The following DDX10 variants were observed in gnomAD, a reference collection of about 807,000 sequenced individuals.
DDX10 encodes probable ATP-dependent RNA helicase DDX10.
A neutral mutation model predicts 104.3 loss-of-function variants in DDX10; 74 were observed. That is an observed-to-expected ratio of 0.71 (90% confidence interval 0.59 to 0.86). The LOEUF is 0.86. Ranked by LOEUF, DDX10 falls within the 40% of genes least tolerant of loss-of-function variation. The pLI is 0.00. For missense variants in DDX10, 952 were observed against 1,040.0 expected (o/e 0.92, Z 1.16); for synonymous variants, 351 against 353.4 (o/e 0.99, Z 0.08).
chr11:108,808,548 C>T (rs144724700), intron 13 of DDX10, among the ~76,000 whole-genome samples: 8 of 152,122 alleles, frequency 5.3e-5, no homozygotes, highest in African/African-American at 9.6e-5. Context: ...AATTTCCTGT[C>T]GTGGGAGTAT....
chr11:108,806,002 C>A (rs1208608038), intron 13 of DDX10, among the ~76,000 whole-genome samples: 2 of 151,962 alleles, frequency 1.3e-5, no homozygotes, highest in Non-Finnish European at 2.9e-5. Context: ...GCTCTTGTTG[C>A]CTAGGCTAGA....
chr11:108,803,487 C>T (rs1169281992), intron 13 of DDX10, among the ~76,000 whole-genome samples: 6 of 150,072 alleles, frequency 4.0e-5, no homozygotes, highest in African/African-American at 1.2e-4. Flanking sequence ...CCAGCTACTC[C>T]GGAGGCTCAG....
intron 11 of DDX10, among the ~76,000 whole-genome samples, chr11:108,717,059 C>A (rs2094292468): frequency 6.6e-6 from 1 of 152,050 alleles, no homozygotes; most frequent in African/African-American, 2.4e-5. Context: ...TTTCACCTGT[C>A]CTTTATTGCC....
chr11:108,826,412 G>T (rs538669912), intron 13 of DDX10, among the ~76,000 whole-genome samples: 89 of 152,066 alleles, frequency 5.9e-4, no homozygotes, highest in African/African-American at 2.1e-3. Context: ...ACAAAAGGCC[G>T]GATATCACAG....
At chr11:108,808,302 T>A (rs911078660) in intron 13 of DDX10, among the ~76,000 whole-genome samples, 3 of 151,912 alleles carry the variant, frequency 2.0e-5, no homozygotes, top group African/African-American at 4.8e-5. Flanking sequence ...CCTGTATAAT[T>A]TGACCTCTAA....
At chr11:108,788,511 C>A (rs1471506585) in intron 13 of DDX10, among the ~76,000 whole-genome samples, 2 of 152,040 alleles carry the variant, frequency 1.3e-5, no homozygotes, top group African/African-American at 4.8e-5. Flanking sequence ...TACAGGTATG[C>A]GCCACCACGC....
intron 9 of DDX10, among the ~76,000 whole-genome samples, chr11:108,695,294 C>T (rs2094258150): frequency 2.0e-5 from 3 of 152,166 alleles, no homozygotes; most frequent in African/African-American, 4.8e-5. Context: ...CATTTTTGCT[C>T]TGTTTTCTTT....
chr11:108,751,819 A>T (rs1196463261), intron 13 of DDX10, among the ~76,000 whole-genome samples: 1 of 152,208 alleles, frequency 6.6e-6, no homozygotes, highest in Non-Finnish European at 1.5e-5. Context: ...TCGACTGTAT[A>T]ACTGTCTTTC....
intron 17 of DDX10, chr11:108,920,733 TG>T (rs1326416564): frequency 1.3e-5 from 2 of 152,248 alleles, no homozygotes; most frequent in African/African-American, 2.4e-5. Context: ...CCTGGATCCA[TG>T]GACTAACCAT....
chr11:108,828,823 C>CT (rs1862432062), intron 13 of DDX10, among the ~76,000 whole-genome samples: 1 of 152,114 alleles, frequency 6.6e-6, no homozygotes, highest in Non-Finnish European at 1.5e-5. Flanking sequence ...GAGGTTTCAC[C>CT]TTGTTGGTCA....
At chr11:108,779,437 C>T (rs2094374889) in intron 13 of DDX10, among the ~76,000 whole-genome samples, 1 of 151,346 alleles carries the variant, frequency 6.6e-6, no homozygotes, top group South Asian at 2.1e-4. Flanking sequence ...ATCACGAGGA[C>T]AGAAAACCAA....
At chr11:108,868,283 T>C (rs997571637) in intron 16 of DDX10, 6 of 152,030 alleles carry the variant, frequency 3.9e-5, no homozygotes, top group Admixed American at 2.0e-4. Flanking sequence ...AAGGGCATTC[T>C]GGGTGCAAGG....
intron 11 of DDX10, among the ~76,000 whole-genome samples, chr11:108,718,260 A>G (rs2094294016): frequency 6.6e-6 from 1 of 152,234 alleles, no homozygotes; most frequent in South Asian, 2.1e-4. Flanking sequence ...ACTGTGTTAT[A>G]TCAGGAGAAA....
At chr11:108,717,191 G>A (rs2094292603) in intron 11 of DDX10, among the ~76,000 whole-genome samples, 1 of 152,222 alleles carries the variant, frequency 6.6e-6, no homozygotes, top group Admixed American at 6.5e-5. Flanking sequence ...AGAATATAAA[G>A]AAGAGTTATA....
At chr11:108,853,318 G>A (rs896956399) in intron 16 of DDX10, among the ~76,000 whole-genome samples, 3 of 151,988 alleles carry the variant, frequency 2.0e-5, no homozygotes, top group African/African-American at 4.8e-5. Context: ...TCTAATAAAA[G>A]CATTTGATAT....
At chr11:108,921,606 A>T (rs553367988) in intron 17 of DDX10, 1 of 152,312 alleles carries the variant, frequency 6.6e-6, no homozygotes, top group East Asian at 1.9e-4. Flanking sequence ...CTGGCTATAC[A>T]CTTAGCATTT....
At chr11:108,934,215 T>A (rs1864009169) in intron 17 of DDX10, among the ~76,000 whole-genome samples, 1 of 152,148 alleles carries the variant, frequency 6.6e-6, no homozygotes, top group South Asian at 2.1e-4. Context: ...TGAGAGATGA[T>A]CAATTCAATT....
chr11:108,707,425 C>T (rs1320921754), intron 10 of DDX10, among the ~76,000 whole-genome samples: 1 of 152,154 alleles, frequency 6.6e-6, no homozygotes, highest in Non-Finnish European at 1.5e-5. Flanking sequence ...AAGTTTCCTC[C>T]ATGTCTTTTC....
intron 16 of DDX10, among the ~76,000 whole-genome samples, chr11:108,867,370 C>T (rs1330462298): frequency 6.6e-6 from 1 of 152,150 alleles, no homozygotes; most frequent in Non-Finnish European, 1.5e-5. Context: ...AAAGTTTGAA[C>T]TTTGAAGAGT....
Sources: gnomAD v4.1 joint callset for allele counts (sites outside exome capture counted in the v4.1 genomes callset) on GRCh38, gnomAD v4.1.1 for gene constraint, MANE v1.5 for transcripts, NCBI Gene and HGNC (gene_info 2026-07-23, HGNC 2026-07-21) for gene names.